The following CRB1 variants were observed in gnomAD, a reference collection of about 807,000 sequenced individuals.
The protein encoded by CRB1 is crumbs cell polarity complex component 1.
Under a neutral mutation model 120.0 loss-of-function variants are expected in CRB1, and 83 were observed. The ratio of observed to expected loss-of-function variants is 0.69; its 90% confidence interval spans 0.58 to 0.83. The LOEUF (loss-of-function observed/expected upper bound fraction) is 0.83, where lower values mean the gene tolerates loss of function less well. CRB1 is among the 40% of genes least tolerant of loss of function. The probability of loss-of-function intolerance (pLI) is 0.00; values close to 1 mark genes in which losing one functional copy is unlikely to be tolerated. For synonymous variants in CRB1, 625 were observed against 612.5 expected (o/e 1.02, Z -0.30); for missense variants, 1,699 against 1,687.6 (o/e 1.01, Z -0.12).
intron 11 of CRB1, among the ~76,000 whole-genome samples, chr1:197,448,594 T>C (rs779781978): frequency 6.6e-5 from 10 of 152,200 alleles, no homozygotes; most frequent in Non-Finnish European, 1.3e-4. Flanking sequence ...GCCACAGCTC[T>C]TCCCTTACGT....
chr1:197,450,618 A>G (rs1211971043), intron 11 of CRB1, among the ~76,000 whole-genome samples: 2 of 152,070 alleles, frequency 1.3e-5, no homozygotes, highest in Admixed American at 6.5e-5. Context: ...TATCATGAGA[A>G]TGGAAAAATA....
At chr1:197,402,080 G>T (rs144739099) in intron 5 of CRB1, among the ~76,000 whole-genome samples, 2 of 152,138 alleles carry the variant, frequency 1.3e-5, no homozygotes, top group African/African-American at 4.8e-5. Context: ...AGGAGTACAT[G>T]TGCAGGTTTG....
At chr1:197,378,321 A>G (rs1454798023) in intron 5 of CRB1, among the ~76,000 whole-genome samples, 1 of 152,210 alleles carries the variant, frequency 6.6e-6, no homozygotes, top group Non-Finnish European at 1.5e-5. Flanking sequence ...TTCAGATTGA[A>G]TTTAGAGTTT....
intron 6 of CRB1, among the ~76,000 whole-genome samples, chr1:197,426,637 C>G (rs1261327104): frequency 6.6e-6 from 1 of 152,078 alleles, no homozygotes; most frequent in Non-Finnish European, 1.5e-5. Flanking sequence ...ATCACTAACT[C>G]CTCTGACCAC....
At chr1:197,356,626 G>A (rs1481415775) in intron 4 of CRB1, among the ~76,000 whole-genome samples, 1 of 151,882 alleles carries the variant, frequency 6.6e-6, no homozygotes, top group Non-Finnish European at 1.5e-5. Flanking sequence ...AAATTTTTTG[G>A]TCAAAATTAT....
chr1:197,252,580 ATATGTGTG>A, the CRB1 span, among the ~76,000 whole-genome samples: 5 of 22,316 alleles, frequency 2.2e-4, no homozygotes, highest in Admixed American at 6.0e-4. Flanking sequence ...ATATATATAT[ATATGTGTG>A]TGTGTGTGTG....
chr1:197,336,836 T>C (rs1659184042), intron 2 of CRB1, among the ~76,000 whole-genome samples: 1 of 152,144 alleles, frequency 6.6e-6, no homozygotes, highest in South Asian at 2.1e-4. Flanking sequence ...AAGCTGGTAA[T>C]GTTGGTTGGA....
At chr1:197,321,811 T>G (rs1170799968) in intron 1 of CRB1, among the ~76,000 whole-genome samples, 2 of 152,156 alleles carry the variant, frequency 1.3e-5, no homozygotes, top group East Asian at 1.9e-4. Flanking sequence ...TGTAAAAATA[T>G]GAGGAGGATT....
intron 1 of CRB1, among the ~76,000 whole-genome samples, chr1:197,326,722 C>T (rs1319135150): frequency 6.6e-6 from 1 of 151,934 alleles, no homozygotes; most frequent in African/African-American, 2.4e-5. Flanking sequence ...GGGAACAGAA[C>T]CTTTTTAATT....
At chr1:197,375,704 C>T (rs1297485906) in intron 5 of CRB1, among the ~76,000 whole-genome samples, 1 of 152,158 alleles carries the variant, frequency 6.6e-6, no homozygotes, top group East Asian at 1.9e-4. Context: ...TGTTCATTCT[C>T]TATGATTCAG....
intron 5 of CRB1, among the ~76,000 whole-genome samples, chr1:197,410,266 T>C (rs1214367068): frequency 6.6e-6 from 1 of 152,232 alleles, no homozygotes; most frequent in Non-Finnish European, 1.5e-5. Flanking sequence ...TAATGAATGA[T>C]GGATTAAGGC....
intron 1 of CRB1, among the ~76,000 whole-genome samples, chr1:197,274,404 T>C (rs1655075909): frequency 6.6e-6 from 1 of 152,188 alleles, no homozygotes; most frequent in Non-Finnish European, 1.5e-5. Context: ...ACATTTGTAA[T>C]GCAGTTAGAT....
chr1:197,424,300 C>T (rs1287543775), intron 6 of CRB1, among the ~76,000 whole-genome samples: 1 of 152,068 alleles, frequency 6.6e-6, no homozygotes, highest in Non-Finnish European at 1.5e-5. Flanking sequence ...AGGATTTGCC[C>T]GTAGCTTTCC....
the CRB1 span, among the ~76,000 whole-genome samples, chr1:197,227,565 C>T: frequency 1.3e-5 from 2 of 152,046 alleles, no homozygotes; most frequent in Non-Finnish European, 2.9e-5. Context: ...CAGCTCTGCC[C>T]CTGTGGTTTT....
At chr1:197,234,171 A>G in the CRB1 span, among the ~76,000 whole-genome samples, 3 of 152,202 alleles carry the variant, frequency 2.0e-5, no homozygotes, top group African/African-American at 7.2e-5. Flanking sequence ...AAATTCATTG[A>G]TAATCTTCTC....
chr1:197,220,283 A>G, the CRB1 span, among the ~76,000 whole-genome samples: 2 of 152,246 alleles, frequency 1.3e-5, no homozygotes, highest in African/African-American at 4.8e-5. Context: ...GAGATGAATA[A>G]AAAGTAAGAA....
the CRB1 span, among the ~76,000 whole-genome samples, chr1:197,202,443 A>G: frequency 6.6e-6 from 1 of 152,234 alleles, no homozygotes; most frequent in African/African-American, 2.4e-5. Flanking sequence ...AGATAGAAAA[A>G]GGATGGTAGT....
chr1:197,251,285 A>C, the CRB1 span, among the ~76,000 whole-genome samples: 20 of 152,146 alleles, frequency 1.3e-4, no homozygotes, highest in South Asian at 1.7e-3. Flanking sequence ...CTGAGCACAT[A>C]ATAAGCACAA....
the CRB1 span, among the ~76,000 whole-genome samples, chr1:197,245,446 A>G: frequency 1.4e-4 from 22 of 152,188 alleles, no homozygotes; most frequent in Admixed American, 1.2e-3. Flanking sequence ...GCAGTATACT[A>G]TGCTTGTGCC....
Sources: allele counts gnomAD v4.1 joint callset (sites outside exome capture counted in the v4.1 genomes callset), GRCh38; gene constraint gnomAD v4.1.1; transcripts MANE v1.5; gene names NCBI Gene and HGNC (gene_info 2026-07-23, HGNC 2026-07-21).